The following SRFBP1 variants were observed in gnomAD, a reference collection of about 807,000 sequenced individuals.
The protein encoded by SRFBP1 is serum response factor-binding protein 1.
SRFBP1 carries 47 observed loss-of-function variants against 45.5 expected under a neutral mutation model. The ratio of observed to expected loss-of-function variants is 1.03; its 90% confidence interval spans 0.82 to 1.32. The LOEUF (loss-of-function observed/expected upper bound fraction) is 1.32, where lower values mean the gene tolerates loss of function less well. SRFBP1 is among the 40% of genes most tolerant of loss of function. SRFBP1 has a pLI of 0.00. For missense variants in SRFBP1, 621 were observed against 484.6 expected (o/e 1.28, Z -2.64); for synonymous variants, 203 against 166.3 (o/e 1.22, Z -1.70).
chr5:122,073,028 C>A (rs1369841760), intron 2 of SRFBP1, among the ~76,000 whole-genome samples: 1 of 152,128 alleles, frequency 6.6e-6, no homozygotes, highest in African/African-American at 2.4e-5. Flanking sequence ...GTTAACCTTT[C>A]CCCCTCCAAT....
In SRFBP1 at chr5:122,027,923, A is replaced by G. The variant is rs1753520897; in HGVS notation, c.*797A>G. 1 of 152,172 alleles carries G rather than the reference A, an allele frequency of 6.6e-6. No individual in the cohort carries two copies. Among genetic ancestry groups the G allele is most frequent in the Admixed American group, 6.5e-5 (1 of 15,276 alleles). 9.4% of individuals were successfully genotyped at this position (152,172 alleles called of 1,614,324 possible). A position where few individuals can be genotyped will look rare whatever the true frequency, so the allele number is the denominator to read the frequency against. ...GCATATAAATATTTCCATTAAATCA[A>G]GAATGTATATTATCTAGTTTTTACT... On this transcript the variant is annotated 3_prime_UTR_variant, in exon 8 of 8. Transcript: ENST00000339397.
intron 4 of SRFBP1, among the ~76,000 whole-genome samples, chr5:122,014,806 C>G (rs1323579972): frequency 3.9e-5 from 6 of 152,182 alleles, no homozygotes; most frequent in Non-Finnish European, 7.4e-5. Context: ...ATTACCACTG[C>G]TCTTCTAAAA....
downstream of SRFBP1, among the ~76,000 whole-genome samples, chr5:122,030,201 A>G (rs2112719971): frequency 6.6e-6 from 1 of 152,340 alleles, no homozygotes; most frequent in South Asian, 2.1e-4. Context: ...TATCAGAATC[A>G]ACCTTTCAGA....
intron 2 of SRFBP1, chr5:122,063,149 A>G (rs1037684526): frequency 2.0e-5 from 3 of 152,004 alleles, no homozygotes; most frequent in Non-Finnish European, 4.4e-5. Context: ...TTCAACTAAA[A>G]TGAAAATCAG....
At chr5:122,008,898 T>C (rs1753034234) in intron 4 of SRFBP1, among the ~76,000 whole-genome samples, 1 of 152,208 alleles carries the variant, frequency 6.6e-6, no homozygotes, top group South Asian at 2.1e-4. Flanking sequence ...TATTTTCTTA[T>C]TGCTTATGAA....
At chr5:122,024,266 A>G (rs1355613121) in intron 7 of SRFBP1, among the ~76,000 whole-genome samples, 1 of 152,148 alleles carries the variant, frequency 6.6e-6, no homozygotes, top group East Asian at 1.9e-4. Flanking sequence ...AGTTTTACCT[A>G]TTTCTTTGGC....
chr5:122,034,257 AAT>A (rs1303951669), intron 2 of SRFBP1, among the ~76,000 whole-genome samples: 2 of 152,200 alleles, frequency 1.3e-5, no homozygotes, highest in African/African-American at 2.4e-5. Flanking sequence ...TGTTAAGATG[AAT>A]ATGTTTGCTG....
intron 3 of SRFBP1, among the ~76,000 whole-genome samples, chr5:121,980,368 G>T (rs1156625795): frequency 3.9e-5 from 6 of 152,052 alleles, no homozygotes; most frequent in African/African-American, 1.4e-4. Context: ...CATTGTAAAG[G>T]TATCTTTTCT....
At chr5:122,057,722 G>A (rs931082376) in intron 2 of SRFBP1, among the ~76,000 whole-genome samples, 2 of 152,042 alleles carry the variant, frequency 1.3e-5, no homozygotes, top group African/African-American at 4.8e-5. Context: ...GTGAAACTCT[G>A]ATGGAGAATT....
intron 3 of SRFBP1, among the ~76,000 whole-genome samples, chr5:121,985,437 G>C (rs1192822073): frequency 6.6e-6 from 1 of 151,560 alleles, no homozygotes; most frequent in Non-Finnish European, 1.5e-5. Flanking sequence ...TCTGTGTAAA[G>C]GAAGATAGTG....
intron 2 of SRFBP1, among the ~76,000 whole-genome samples, chr5:122,048,385 G>T (rs1427900380): frequency 6.6e-6 from 1 of 152,172 alleles, no homozygotes; most frequent in Non-Finnish European, 1.5e-5. Context: ...TTGCATCCCA[G>T]GGGTGAAGCC....
chr5:121,998,392 A>T (rs1752778749), intron 4 of SRFBP1, among the ~76,000 whole-genome samples: 1 of 146,666 alleles, frequency 6.8e-6, no homozygotes. Flanking sequence ...GGAAATCATC[A>T]TTCTCAGTAA....
intron 5 of SRFBP1, 93 bp downstream of exon 5, chr5:122,019,434 TA>T: frequency 1.0e-6 from 1 of 983,952 alleles, no homozygotes; most frequent in Non-Finnish European, 1.5e-6. Context: ...GAGGTTCTAT[TA>T]TAAATATAAG....
At chr5:122,022,347 T>C in intron 6 of SRFBP1, 23 bp from the exon 7 acceptor site, 1 of 1,596,750 alleles carries the variant, frequency 6.3e-7, no homozygotes, top group Non-Finnish European at 8.6e-7. Context: ...TAAAAAGTCA[T>C]AATGGTGTTT....
At chr5:122,057,809 G>T (rs972477648) in intron 2 of SRFBP1, among the ~76,000 whole-genome samples, 6 of 151,952 alleles carry the variant, frequency 3.9e-5, no homozygotes, top group African/African-American at 1.5e-4. Flanking sequence ...CTCCTGAGCA[G>T]CTGGGACTAC....
chr5:122,078,102 C>T (rs1754696932), downstream of SRFBP1: 1 of 983,618 alleles, frequency 1.0e-6, no homozygotes, highest in African/African-American at 1.7e-5. Flanking sequence ...GAGCGGAGCA[C>T]GGGTATCTCA....
intron 4 of SRFBP1, among the ~76,000 whole-genome samples, chr5:121,997,438 G>C (rs1032202896): frequency 6.6e-6 from 1 of 151,746 alleles, no homozygotes; most frequent in Non-Finnish European, 1.5e-5. Context: ...TTAATAAATG[G>C]TGCTGGGAAA....
At chr5:122,048,633 T>C (rs933220976) in intron 2 of SRFBP1, among the ~76,000 whole-genome samples, 1 of 152,138 alleles carries the variant, frequency 6.6e-6, no homozygotes, top group Non-Finnish European at 1.5e-5. Context: ...CCAGCTCCTC[T>C]TTGTACCTCT....
At chr5:122,070,960 T>TC (rs1561417761) in intron 2 of SRFBP1, among the ~76,000 whole-genome samples, 2 of 152,154 alleles carry the variant, frequency 1.3e-5, no homozygotes. Context: ...AGTGAAATCC[T>TC]CCCCAGTTTC....
Sources: gnomAD v4.1 joint callset for allele counts (sites outside exome capture counted in the v4.1 genomes callset) on GRCh38, gnomAD v4.1.1 for gene constraint, MANE v1.5 for transcripts, NCBI Gene and HGNC (gene_info 2026-07-23, HGNC 2026-07-21) for gene names.